PFKFB1: variants seen among roughly 807,000 people sequenced by gnomAD.
PFKFB1 encodes the protein 6-phosphofructo-2-kinase/fructose-2,6-bisphosphatase 1.
In PFKFB1, 34 loss-of-function variants were observed where a neutral mutation model predicts 46.4. That is an observed-to-expected ratio of 0.73 (90% CI 0.56 to 0.98). PFKFB1 has a LOEUF of 0.98. PFKFB1 is among the 50% of genes least tolerant of loss of function. The pLI, the probability that PFKFB1 is intolerant of heterozygous loss-of-function variation, is 0.00. For synonymous variants in PFKFB1, 119 were observed against 133.8 expected (o/e 0.89, Z 0.76); for missense variants, 393 against 376.3 (o/e 1.04, Z -0.37).
At chrX:54,941,180 G>A (rs1321721658) in intron 10 of PFKFB1, among the ~76,000 whole-genome samples, 3 of 112,135 alleles carry the variant, frequency 2.7e-5, no homozygotes, top group African/African-American at 9.7e-5. Flanking sequence ...GGGAAAACTG[G>A]CTAGCCACAT....
chrX:54,997,217 GAACT>G (rs1935370203), upstream of PFKFB1, among the ~76,000 whole-genome samples: 1 of 112,011 alleles, frequency 8.9e-6, no homozygotes, highest in African/African-American at 3.2e-5. Context: ...TTGGATGGGA[GAACT>G]AATTTGTCTG....
intron 1 of PFKFB1, among the ~76,000 whole-genome samples, chrX:54,985,983 G>T (rs1049399553): frequency 8.1e-5 from 9 of 111,765 alleles, no homozygotes. Context: ...GAAGAATAGA[G>T]AGAAAAAGAC....
In PFKFB1 at chrX:54,934,999, T is replaced by C; in HGVS notation, c.1239A>G (p.Pro413=). ...YFLDKSSDEL[P]YLKCPLHTVL... ...CTGTGTGCAGAGGGCACTTGAGATA[T>C]GGAAGCTCATCTAGAAAGGAACAGG... Residue 413 remains proline, a synonymous_variant, in exon 12 of 14, where the codon CCA becomes CCG. Transcript: ENST00000375006. 8.3e-7 allele frequency: 1 copy of C among 1,203,689 alleles called. No homozygotes were observed. Among genetic ancestry groups the C allele is most frequent in the Non-Finnish European group, 1.1e-6 (1 of 889,650 alleles).
At chrX:54,944,875 T>G (rs1933753807) in intron 10 of PFKFB1, among the ~76,000 whole-genome samples, 1 of 112,305 alleles carries the variant, frequency 8.9e-6, no homozygotes, top group Admixed American at 9.4e-5. Context: ...TAATAACTTT[T>G]CCCAGCCATT....
chrX:54,936,607 T>C (rs1933403974), intron 11 of PFKFB1, among the ~76,000 whole-genome samples: 1 of 111,561 alleles, frequency 9.0e-6, no homozygotes, highest in African/African-American at 3.3e-5. Context: ...ACCTGCCTCA[T>C]GGTCTCAAAA....
In PFKFB1 at chrX:54,952,107, A is replaced by G; in HGVS notation, c.644T>C (p.Leu215Pro). The change falls in exon 8 of 14, where the codon CTG becomes CCG. Residue 215 changes from leucine (L) to proline (P), a missense_variant. Transcript: ENST00000375006. ...QPLDEELDSH[L>P]SYIKIFDVGT... The stretch of plus-strand genomic sequence containing the variant: ...CACGTCGAAGATCTTGATGTAGGAC[A>G]GGTGGCTGGGCCAGACCCAAGCAGG... 16 of 1,209,424 alleles carry G rather than the reference A, an allele frequency of 1.3e-5. No individual in the cohort carries two copies. The highest frequency in any genetic ancestry group is 1.8e-5 in the Non-Finnish European group (16 of 893,904).
chrX:54,980,621 A>G (rs1463275006), intron 1 of PFKFB1, among the ~76,000 whole-genome samples: 5 of 108,134 alleles, frequency 4.6e-5, no homozygotes, highest in African/African-American at 1.7e-4. Flanking sequence ...CAAAAGAGTG[A>G]ACAGTTCCTG....
chrX:54,937,797 C>T, intron 10 of PFKFB1, 73 bp from the exon 11 acceptor site: 1 of 999,174 alleles, frequency 1.0e-6, no homozygotes, highest in Non-Finnish European at 1.4e-6. Context: ...GAACTCTAAA[C>T]TAGGAATCAA....
chrX:54,972,129 GCTCT>G lies in PFKFB1; in HGVS notation c.98-8751_98-8748del, dbSNP rs1264561463. ...TGAATGGGAGTTCACTCATGATTTG[GCTCT>G]CTGTTTGTCTGTTATTGGTGTATAA... On this transcript the variant is annotated intron_variant, in intron 1 of 13. Coordinates refer to ENST00000375006, the MANE Select transcript of PFKFB1 (RefSeq NM_002625.4). Among the ~76,000 whole-genome samples, 9 of 110,793 alleles carry G rather than the reference GCTCT, an allele frequency of 8.1e-5. No homozygotes were observed. In the East Asian group the frequency reaches 1.4e-3, roughly 18 times the overall value.
chrX:54,981,947 C>T (rs757964492), intron 1 of PFKFB1, among the ~76,000 whole-genome samples: 1 of 111,221 alleles, frequency 9.0e-6, no homozygotes, highest in African/African-American at 3.3e-5. Flanking sequence ...TTATCTCGTG[C>T]GGAAAGCACT....
intron 9 of PFKFB1, among the ~76,000 whole-genome samples, chrX:54,946,890 A>AT (rs1933828542): frequency 8.9e-6 from 1 of 112,127 alleles, no homozygotes; most frequent in Non-Finnish European, 1.9e-5. Flanking sequence ...AAGTATTAAT[A>AT]TTTTATTACT....
rs1476449859 is a variant in PFKFB1 at position 54,972,157 on chromosome X, A to G, written c.98-8775T>C. ...CTCTGTTTGTCTGTTATTGGTGTAT[A>G]AGAATGCTGGTGATTTTTGTACATT... On this transcript the variant is annotated intron_variant, in intron 1 of 13. Transcript: ENST00000375006. Among the ~76,000 whole-genome samples, 4 of 111,397 alleles carry G rather than the reference A, an allele frequency of 3.6e-5. No individual in the cohort carries two copies. The East Asian group carries it at 1.1e-3, about 31-fold the overall frequency.
At position 54,971,429 on chromosome X, in the gene PFKFB1, T is replaced by A. The variant is rs1264337929; in HGVS notation, c.98-8047A>T. Among the ~76,000 whole-genome samples the A allele has an allele frequency of 2.8e-4, 31 of 109,849 alleles. No individual in the cohort carries two copies. In the East Asian group the frequency reaches 8.3e-3, roughly 30 times the overall value. On this transcript the variant is annotated intron_variant, in intron 1 of 13. Transcript: ENST00000375006. ...TCCTTGCCCATGCCTATGTCCTGAATGGTAATGCCTAGGTTTTCTTCTAGG... is the reference window on the plus strand; with the variant it reads ...TCCTTGCCCATGCCTATGTCCTGAAAGGTAATGCCTAGGTTTTCTTCTAGG...
At chrX:54,944,178 C>T (rs1490987666) in intron 10 of PFKFB1, among the ~76,000 whole-genome samples, 1 of 111,268 alleles carries the variant, frequency 9.0e-6, no homozygotes, top group Non-Finnish European at 1.9e-5. Context: ...ACCTTACATC[C>T]TTATTGAGAT....
chrX:54,962,154 A>G (rs1934333131), intron 2 of PFKFB1, among the ~76,000 whole-genome samples: 1 of 111,321 alleles, frequency 9.0e-6, no homozygotes, highest in Non-Finnish European at 1.9e-5. Context: ...ATCAGAACCC[A>G]TGATGGGGCC....
intron 3 of PFKFB1, among the ~76,000 whole-genome samples, chrX:54,960,365 A>AG (rs1934273955): frequency 8.9e-6 from 1 of 112,622 alleles, no homozygotes; most frequent in South Asian, 3.6e-4. Flanking sequence ...TGAAGGCATA[A>AG]GGCACAGGCT....
At chrX:54,978,993 C>T (rs1256509207) in intron 1 of PFKFB1, among the ~76,000 whole-genome samples, 1 of 111,054 alleles carries the variant, frequency 9.0e-6, no homozygotes, top group Non-Finnish European at 1.9e-5. Flanking sequence ...ATATAAAGGA[C>T]GTTAGTGAAA....
intron 10 of PFKFB1, among the ~76,000 whole-genome samples, chrX:54,938,458 TAA>T (rs974519034): frequency 2.7e-5 from 3 of 111,252 alleles, no homozygotes; most frequent in Non-Finnish European, 5.7e-5. Context: ...GCAAATTGGA[TAA>T]AGAGTCAAGA....
chrX:54,993,357 A>T (rs919728114), intron 1 of PFKFB1, among the ~76,000 whole-genome samples: 2 of 112,126 alleles, frequency 1.8e-5, no homozygotes, highest in African/African-American at 6.5e-5. Context: ...TGGAGACAGG[A>T]CATTAAGTGT....
Sources: gnomAD v4.1 joint callset for allele counts (sites outside exome capture counted in the v4.1 genomes callset) on GRCh38, gnomAD v4.1.1 for gene constraint, MANE v1.5 for transcripts, NCBI Gene and HGNC (gene_info 2026-07-23, HGNC 2026-07-21) for gene names.